LRRC43: variants seen among roughly 807,000 people sequenced by gnomAD.
LRRC43 encodes leucine-rich repeat-containing protein 43.
Under a neutral mutation model 64.3 loss-of-function variants are expected in LRRC43, and 62 were observed. The ratio of observed to expected loss-of-function variants is 0.96; its 90% CI spans 0.79 to 1.19. The LOEUF (loss-of-function observed/expected upper bound fraction) is 1.19, where lower values mean the gene tolerates loss of function less well. LRRC43 is among the 50% of genes most tolerant of loss of function. The pLI is 0.00. For synonymous variants in LRRC43, 422 were observed against 382.3 expected (o/e 1.10, Z -1.21); for missense variants, 868 against 845.0 (o/e 1.03, Z -0.34).
chr12:122,170,713 G>A (rs1056241376), intron 1 of LRRC43, among the ~76,000 whole-genome samples: 13 of 152,152 alleles, frequency 8.5e-5, no homozygotes, highest in South Asian at 2.1e-4. Flanking sequence ...ACTGAAGTGC[G>A]TGTCTCAGAG....
rs748715836 is a variant in LRRC43, at chr12:122,192,864, G to A, written c.1209G>A (p.Glu403=). Residue 403 remains glutamate, a synonymous_variant, in exon 7 of 12, where the codon GAG becomes GAA. Coordinates refer to ENST00000339777, the MANE Select transcript of LRRC43 (RefSeq NM_001098519.2). The part of the protein sequence containing the change: ...EVTEEVEGSL[E]SEVEESGESE... ...CTGAAGAGGTCGAAGGGTCTCTGGAGTCTGAGGTGGAGGAGTCAGGAGAGT... is the reference window on the plus strand; with the variant it reads ...CTGAAGAGGTCGAAGGGTCTCTGGAATCTGAGGTGGAGGAGTCAGGAGAGT... The A allele has an allele frequency of 8.7e-6, 14 of 1,613,666 alleles. No individual in the cohort carries two copies. The highest frequency in any genetic ancestry group is 1.2e-5 in the Non-Finnish European group (14 of 1,180,036).
intron 7 of LRRC43, among the ~76,000 whole-genome samples, chr12:122,197,380 G>T (rs1953782778): frequency 1.3e-5 from 2 of 151,964 alleles, no homozygotes; most frequent in South Asian, 4.1e-4. Context: ...TGGCCAGGCT[G>T]GTCTCAAACT....
rs1348007074 is a variant in LRRC43 at position 122,200,575 on chromosome 12, T to C, written c.1535T>C (p.Leu512Pro). Residue 512 changes from leucine (L) to proline (P), a missense_variant, in exon 9 of 12, where the codon CTG becomes CCG. Leu to Pro is a moderately conservative substitution (Grantham distance 98). Transcript: ENST00000339777. The surrounding 1 kb of genome is among the most constrained non-coding windows in gnomAD (Gnocchi z 4.6). ...PVVLPAVDSP[L>P]SAKKGKGEKD... is the part of the protein sequence containing the mutation. ...GTGCTACCTGCTGTTGACAGTCCCC[T>C]GTCTGCCAAGAAAGGAAAGGGGGAG... The C allele has an allele frequency of 5.2e-6, 8 of 1,548,444 alleles. No homozygotes were observed. The highest frequency in any genetic ancestry group is 3.3e-4 in the Middle Eastern group (2 of 6,038).
In LRRC43 at chr12:122,192,834, G is replaced by A. The variant is rs1390449111; in HGVS notation, c.1179G>A (p.Glu393=). 2.5e-6 allele frequency: 4 copies of A among 1,614,156 alleles called. No individual in the cohort carries two copies. The highest frequency in any genetic ancestry group is 1.1e-5 in the South Asian group (1 of 91,078). ...VEDVIEDIVE[E]VTEEVEGSLE... is the part of the protein sequence containing the mutation. Reference sequence around the variant, plus strand: ...ACGTCATCGAAGACATTGTTGAAGAGGTTACTGAAGAGGTCGAAGGGTCTC... The same window carrying A: ...ACGTCATCGAAGACATTGTTGAAGAAGTTACTGAAGAGGTCGAAGGGTCTC... The change falls in exon 7 of 12, where the codon GAG becomes GAA. Residue 393 remains glutamate (E), a synonymous_variant. Transcript: ENST00000339777.
At chr12:122,201,113 C>T (rs886198859) in intron 10 of LRRC43, among the ~76,000 whole-genome samples, 179 bp downstream of exon 10, 1 of 152,186 alleles carries the variant, frequency 6.6e-6, no homozygotes, top group Non-Finnish European at 1.5e-5. Flanking sequence ...AGGGCGCCTC[C>T]GTGGACTTTG....
At chr12:122,172,403 G>T in intron 1 of LRRC43, 1 of 1,598,776 alleles carries the variant, frequency 6.3e-7, no homozygotes, top group Non-Finnish European at 8.6e-7. Context: ...CCGAAAGGAA[G>T]AGATGGCCTT....
At chr12:122,170,905 C>A (rs974319024) in intron 1 of LRRC43, among the ~76,000 whole-genome samples, 3 of 152,152 alleles carry the variant, frequency 2.0e-5, no homozygotes, top group African/African-American at 4.8e-5. Context: ...TGTCTCCACC[C>A]ACAGACCTTC....
intron 2 of LRRC43, among the ~76,000 whole-genome samples, chr12:122,185,691 G>A (rs755458649): frequency 2.6e-5 from 4 of 152,198 alleles, no homozygotes; most frequent in Non-Finnish European, 5.9e-5. Context: ...CAGTGCAGAA[G>A]GTTTCGTGTC....
chr12:122,180,936 C>A (rs1262554517), upstream of LRRC43, among the ~76,000 whole-genome samples: 1 of 152,128 alleles, frequency 6.6e-6, no homozygotes, highest in Admixed American at 6.6e-5. Context: ...TCTTTGAGAG[C>A]CAGGCATGGT....
At chr12:122,190,854 CA>C (rs756031424) in intron 5 of LRRC43, among the ~76,000 whole-genome samples, 165 of 131,634 alleles carry the variant, frequency 1.3e-3, no homozygotes, top group Admixed American at 1.2e-3. Context: ...CAGAGCAAGA[CA>C]AAAAAAAAAA....
intron 1 of LRRC43, among the ~76,000 whole-genome samples, chr12:122,177,727 A>G (rs1392153228): frequency 6.6e-6 from 1 of 151,006 alleles, no homozygotes; most frequent in East Asian, 1.9e-4. Context: ...TTGGTGTTGA[A>G]CTCCTGGGCT....
intron 7 of LRRC43, among the ~76,000 whole-genome samples, chr12:122,197,846 T>C (rs1953787752): frequency 6.6e-6 from 1 of 152,054 alleles, no homozygotes; most frequent in African/African-American, 2.4e-5. Flanking sequence ...CTCCGGTAGA[T>C]TGTTGAGTGC....
chr12:122,197,840 G>A (rs143192347), intron 7 of LRRC43, among the ~76,000 whole-genome samples: 162 of 152,168 alleles, frequency 1.1e-3, no homozygotes, highest in Admixed American at 1.9e-3. Context: ...TCACTTCTCC[G>A]GTAGATTGTT....
At chr12:122,172,843 A>T in intron 1 of LRRC43, 1 of 883,610 alleles carries the variant, frequency 1.1e-6, no homozygotes, top group South Asian at 1.7e-5. Context: ...CCTCGTTGAT[A>T]TATTTATCTG....
At chr12:122,171,549 A>G (rs1362063154) in intron 1 of LRRC43, among the ~76,000 whole-genome samples, 1 of 151,612 alleles carries the variant, frequency 6.6e-6, no homozygotes, top group Non-Finnish European at 1.5e-5. Flanking sequence ...TTTTTTAGAG[A>G]TGGGATCTTG....
intron 1 of LRRC43, among the ~76,000 whole-genome samples, chr12:122,174,707 G>A (rs149817540): frequency 2.0e-5 from 3 of 152,102 alleles, no homozygotes; most frequent in Non-Finnish European, 2.9e-5. Context: ...TGAATGTGGC[G>A]GGTCGAAGGC....
chr12:122,171,496 A>G (rs1203551688), intron 1 of LRRC43, among the ~76,000 whole-genome samples: 1 of 151,646 alleles, frequency 6.6e-6, no homozygotes, highest in East Asian at 1.9e-4. Context: ...CAAGTAGCAC[A>G]CCACCATGTC....
At position 122,198,540 on chromosome 12, in the gene LRRC43, C is replaced by G. The variant is rs557228686; in HGVS notation, c.1350-1649C>G. 1.8e-3 allele frequency among the ~76,000 whole-genome samples: 267 copies of G among 151,372 alleles called. 2 individuals carry two copies. Among genetic ancestry groups the G allele is most frequent in the African/African-American group, 6.3e-3 (257 of 41,072 alleles). On this transcript the variant is annotated intron_variant, in intron 7 of 11. Transcript: ENST00000339777. ...TGGATGGAATCACAAAATACATAGC[C>G]TTTTGTGTCTGGCTTCTTTCACTGA...
At position 122,200,180 on chromosome 12, in the gene LRRC43, C is replaced by T. The variant is rs371482366; in HGVS notation, c.1350-9C>T. The stretch of plus-strand genomic sequence containing the variant: ...ACGGCACCCCCGTCTTCATCCCTCC[C>T]TCCCCAAGGACTGTCCTCTTCAGCA... On this transcript the variant is annotated splice_polypyrimidine_tract_variant and intron_variant, in intron 7 of 11. Coordinates refer to ENST00000339777, the MANE Select transcript of LRRC43 (RefSeq NM_001098519.2). This position sits in a 1 kb window ranked among gnomAD's most constrained non-coding sequence, Gnocchi z 4.6. 351 of 1,611,506 alleles carry T rather than the reference C, an allele frequency of 2.2e-4. 1 individual carries two copies. The highest frequency in any genetic ancestry group is 1.3e-3 in the Middle Eastern group (8 of 6,030).
Sources: allele counts gnomAD v4.1 joint callset (sites outside exome capture counted in the v4.1 genomes callset), GRCh38; gene constraint gnomAD v4.1.1; non-coding constraint Gnocchi (gnomAD v3.1); transcripts MANE v1.5; gene names NCBI Gene and HGNC (gene_info 2026-07-23, HGNC 2026-07-21).